The following MAML2 variants were observed in gnomAD, a reference collection of about 807,000 sequenced individuals.
MAML2 encodes mastermind like transcriptional coactivator 2, also known as mastermind-like protein 2.
MAML2 carries 22 observed loss-of-function variants against 96.1 expected under a neutral mutation model. The ratio of observed to expected loss-of-function variants is 0.23; its 90% CI spans 0.16 to 0.33. MAML2 has a LOEUF of 0.33. Ranked by LOEUF, MAML2 falls within the 10% of genes least tolerant of loss-of-function variation. The pLI is 1.00. For missense variants in MAML2, 1,367 were observed against 1,392.4 expected (o/e 0.98, Z 0.29); for synonymous variants, 561 against 521.3 (o/e 1.08, Z -1.04).
chr11:96,321,951 T>TTTG (rs750669452), intron 1 of MAML2, among the ~76,000 whole-genome samples: 21 of 152,274 alleles, frequency 1.4e-4, no homozygotes, highest in Non-Finnish European at 2.5e-4. Flanking sequence ...GGCCGAGTTT[T>TTTG]TTGTTGTTGT....
At chr11:96,067,570 T>C (rs1303038972) in intron 2 of MAML2, among the ~76,000 whole-genome samples, 1 of 143,594 alleles carries the variant, frequency 7.0e-6, no homozygotes, top group Non-Finnish European at 1.5e-5. Context: ...ACACTTCTCC[T>C]GGAAATTATA....
At chr11:96,078,523 G>A (rs1229274624) in intron 2 of MAML2, among the ~76,000 whole-genome samples, 3 of 152,222 alleles carry the variant, frequency 2.0e-5, no homozygotes, top group African/African-American at 7.2e-5. Context: ...ACGGTTCAGA[G>A]AGCAGGTATC....
chr11:96,239,555 G>T (rs763036735), intron 1 of MAML2, among the ~76,000 whole-genome samples: 49 of 110,590 alleles, frequency 4.4e-4, no homozygotes, highest in Non-Finnish European at 7.7e-4. Flanking sequence ...AAATTACTGT[G>T]AATTGATGTA....
chr11:95,980,358 G>A (rs971439165), intron 4 of MAML2, among the ~76,000 whole-genome samples: 3 of 152,084 alleles, frequency 2.0e-5, no homozygotes, highest in African/African-American at 7.2e-5. Context: ...GTTTACCCCA[G>A]GTCCAAATGA....
intron 1 of MAML2, among the ~76,000 whole-genome samples, chr11:96,140,447 A>T (rs137987581): frequency 1.9e-4 from 29 of 152,340 alleles, no homozygotes; most frequent in African/African-American, 6.3e-4. Flanking sequence ...TCTGCCCAAC[A>T]TGAACAGGCT....
chr11:96,127,760 C>T (rs1267524885), intron 1 of MAML2, among the ~76,000 whole-genome samples: 1 of 152,122 alleles, frequency 6.6e-6, no homozygotes, highest in Non-Finnish European at 1.5e-5. Context: ...TGTTCTTCCT[C>T]CAGGGGCAAT....
intron 1 of MAML2, among the ~76,000 whole-genome samples, chr11:96,108,277 G>A (rs1022944187): frequency 6.6e-6 from 1 of 152,230 alleles, no homozygotes; most frequent in Non-Finnish European, 1.5e-5. Flanking sequence ...GGTATCAGAA[G>A]TATTCTGTGG....
At chr11:96,208,275 A>G (rs1245199951) in intron 1 of MAML2, among the ~76,000 whole-genome samples, 2 of 152,174 alleles carry the variant, frequency 1.3e-5, no homozygotes, top group East Asian at 3.8e-4. Context: ...CTTCCCAATT[A>G]CAAAAGCAAC....
chr11:96,309,922 T>A (rs1460980883), intron 1 of MAML2, among the ~76,000 whole-genome samples: 1 of 152,002 alleles, frequency 6.6e-6, no homozygotes, highest in Non-Finnish European at 1.5e-5. Context: ...AGGCCGGTCT[T>A]AAACTCCTGG....
chr11:95,992,750 T>C (rs987032831), intron 2 of MAML2, among the ~76,000 whole-genome samples: 1 of 152,214 alleles, frequency 6.6e-6, no homozygotes, highest in Non-Finnish European at 1.5e-5. Flanking sequence ...ATAAGGCAGA[T>C]GCCCTGGCCT....
intron 1 of MAML2, among the ~76,000 whole-genome samples, chr11:96,130,706 T>C (rs991938557): frequency 2.0e-5 from 3 of 152,066 alleles, no homozygotes; most frequent in African/African-American, 7.2e-5. Context: ...CTACAAATGG[T>C]CCTTCAGTCT....
chr11:96,272,182 G>C (rs1425969916), intron 1 of MAML2, among the ~76,000 whole-genome samples: 2 of 131,168 alleles, frequency 1.5e-5, no homozygotes, highest in African/African-American at 6.1e-5. Context: ...CATTGTACTT[G>C]TGTTGTGTTG....
intron 1 of MAML2, among the ~76,000 whole-genome samples, chr11:96,144,590 G>C (rs943526987): frequency 1.4e-4 from 22 of 152,172 alleles, no homozygotes; most frequent in African/African-American, 5.3e-4. Flanking sequence ...GATTAGAAGA[G>C]AGAGACCACT....
At chr11:96,288,807 A>G (rs1400777325) in intron 1 of MAML2, among the ~76,000 whole-genome samples, 2 of 152,200 alleles carry the variant, frequency 1.3e-5, no homozygotes, top group Non-Finnish European at 2.9e-5. Flanking sequence ...AGGTTTTTCT[A>G]CTATACATTA....
At chr11:96,183,939 G>T (rs1861532292) in intron 1 of MAML2, among the ~76,000 whole-genome samples, 1 of 152,094 alleles carries the variant, frequency 6.6e-6, no homozygotes, top group African/African-American at 2.4e-5. Flanking sequence ...ATTAGATGTG[G>T]GACTCAGAAA....
intron 2 of MAML2, among the ~76,000 whole-genome samples, chr11:96,031,069 G>T (rs1024641973): frequency 6.6e-6 from 1 of 152,142 alleles, no homozygotes; most frequent in Non-Finnish European, 1.5e-5. Context: ...AGATCTGACT[G>T]TAAATGACTT....
At chr11:95,992,888 T>C (rs2135711050) in intron 2 of MAML2, among the ~76,000 whole-genome samples, 1 of 151,852 alleles carries the variant, frequency 6.6e-6, no homozygotes, top group East Asian at 1.9e-4. Context: ...CTCTCTCTTT[T>C]TTTTTTTTAA....
rs187191235 is a variant in MAML2, at chr11:95,977,937, C to A, written c.*1011G>T. ...GCCATCCCTGGTTCTTATCTCCAACCAAAACATGATATTTTCTAATCTCGG... is the reference window on the plus strand; with the variant it reads ...GCCATCCCTGGTTCTTATCTCCAACAAAAACATGATATTTTCTAATCTCGG... On this transcript the variant is annotated 3_prime_UTR_variant, in exon 5 of 5. Transcript: ENST00000524717. 4.5e-6 allele frequency: 1 copy of A among 223,170 alleles called. No homozygotes were observed. The highest frequency in any genetic ancestry group is 2.2e-5 in the African/African-American group (1 of 44,902). 13.8% of individuals were successfully genotyped at this position (223,170 alleles called of 1,614,324 possible).
intron 1 of MAML2, among the ~76,000 whole-genome samples, chr11:96,233,735 T>A (rs769538892): frequency 5.3e-5 from 8 of 152,162 alleles, no homozygotes; most frequent in Non-Finnish European, 1.0e-4. Flanking sequence ...CCTTGGCATA[T>A]GGGAGATGAA....
Sources: gnomAD v4.1 joint callset for allele counts (sites outside exome capture counted in the v4.1 genomes callset) on GRCh38, gnomAD v4.1.1 for gene constraint, MANE v1.5 for transcripts, NCBI Gene and HGNC (gene_info 2026-07-23, HGNC 2026-07-21) for gene names.